The following SOX5 variants were observed in gnomAD, a reference collection of about 807,000 sequenced individuals.
SOX5 encodes transcription factor SOX-5.
In SOX5, 9 loss-of-function variants were observed where a neutral mutation model predicts 92.0. The observed-to-expected ratio is 0.10, with a 90% CI of 0.06 to 0.17. SOX5 has a LOEUF of 0.17. Among genes scored for constraint, SOX5 ranks in the 10% least tolerant of loss-of-function variants. SOX5 has a pLI of 1.00. For synonymous variants in SOX5, 344 were observed against 336.3 expected (o/e 1.02, Z -0.25); for missense variants, 642 against 944.5 (o/e 0.68, Z 4.20).
chr12:23,864,971 C>A (rs560746070), intron 2 of SOX5, among the ~76,000 whole-genome samples: 8 of 152,174 alleles, frequency 5.3e-5, no homozygotes, highest in Admixed American at 5.2e-4. Context: ...TTGGCTTCGA[C>A]GCTTCAAACA....
intron 1 of SOX5, among the ~76,000 whole-genome samples, chr12:23,938,794 T>A (rs1444866228): frequency 2.0e-5 from 3 of 151,026 alleles, no homozygotes; most frequent in African/African-American, 4.8e-5. Flanking sequence ...AAGTACACGT[T>A]ACCTGGGATC....
In SOX5 at chr12:24,153,347, G is replaced by A. The variant is rs564623772; in HGVS notation, c.-2+59996C>T. On this transcript the variant is annotated intron_variant, in intron 4 of 4. Transcript: ENST00000446891. The stretch of plus-strand genomic sequence containing the variant: ...CCTTCAGTTTGATAAAGCAAGACCA[G>A]ATTTACTGGCACACTTACAGGAGGC... Among the ~76,000 whole-genome samples, 4 of 152,244 alleles carry A rather than the reference G, an allele frequency of 2.6e-5. No individual in the cohort carries two copies. In the South Asian group the frequency reaches 6.2e-4, roughly 24 times the overall value.
At chr12:24,050,341 T>C (rs1303256369) in intron 4 of SOX5, among the ~76,000 whole-genome samples, 1 of 152,178 alleles carries the variant, frequency 6.6e-6, no homozygotes, top group Non-Finnish European at 1.5e-5. Flanking sequence ...AGACATACAT[T>C]ACTCAGAGGA....
intron 1 of SOX5, among the ~76,000 whole-genome samples, chr12:24,546,781 T>G (rs1167943123): frequency 6.6e-6 from 1 of 152,148 alleles, no homozygotes; most frequent in Non-Finnish European, 1.5e-5. Flanking sequence ...CAACTGTAAA[T>G]TCTACCAGTA....
intron 2 of SOX5, among the ~76,000 whole-genome samples, chr12:24,338,941 G>T (rs1952242053): frequency 6.6e-6 from 1 of 152,022 alleles, no homozygotes; most frequent in Admixed American, 6.6e-5. Flanking sequence ...CTTCACAGTA[G>T]TATGAAAATG....
chr12:23,830,731 T>C (rs2096303217), intron 3 of SOX5, among the ~76,000 whole-genome samples: 1 of 152,148 alleles, frequency 6.6e-6, no homozygotes, highest in Non-Finnish European at 1.5e-5. Flanking sequence ...GGAAAGCCGA[T>C]CTCCATAATT....
intron 4 of SOX5, among the ~76,000 whole-genome samples, chr12:24,063,144 C>A (rs1940055905): frequency 6.6e-6 from 1 of 152,214 alleles, no homozygotes; most frequent in African/African-American, 2.4e-5. Flanking sequence ...ACACTCACTT[C>A]TCCCACCAAT....
intron 2 of SOX5, among the ~76,000 whole-genome samples, chr12:24,303,038 G>A (rs1948161198): frequency 6.6e-6 from 1 of 152,018 alleles, no homozygotes; most frequent in Non-Finnish European, 1.5e-5. Context: ...AAAGGCCAAA[G>A]GAAAGTGAAT....
At chr12:23,563,189 T>G in intron 11 of SOX5, 69 bp downstream of exon 11, 3 of 1,230,460 alleles carry the variant, frequency 2.4e-6, no homozygotes, top group Non-Finnish European at 2.3e-6. Flanking sequence ...TGGAAATATA[T>G]TTTTTTTAAA....
At chr12:24,167,942 G>A (rs1265143394) in intron 4 of SOX5, among the ~76,000 whole-genome samples, 1 of 152,186 alleles carries the variant, frequency 6.6e-6, no homozygotes, top group Non-Finnish European at 1.5e-5. Flanking sequence ...CGTTCTCACT[G>A]CCATCTGGCC....
chr12:24,416,207 A>G (rs1345032355), intron 1 of SOX5, among the ~76,000 whole-genome samples: 1 of 152,172 alleles, frequency 6.6e-6, no homozygotes, highest in Non-Finnish European at 1.5e-5. Flanking sequence ...ACACATTTTC[A>G]TCTCAGGAGC....
At chr12:23,684,628 T>C (rs933972211) in intron 6 of SOX5, among the ~76,000 whole-genome samples, 1 of 152,010 alleles carries the variant, frequency 6.6e-6, no homozygotes, top group African/African-American at 2.4e-5. Flanking sequence ...TATAGAAAAA[T>C]GTACTTTAAA....
At chr12:24,533,417 G>A (rs557984375) in intron 1 of SOX5, among the ~76,000 whole-genome samples, 8 of 152,206 alleles carry the variant, frequency 5.3e-5, no homozygotes, top group Admixed American at 2.6e-4. Context: ...TCTTTAATTG[G>A]TAGTTAGGAA....
chr12:23,581,196 G>A (rs1438667136), intron 9 of SOX5, among the ~76,000 whole-genome samples: 1 of 151,818 alleles, frequency 6.6e-6, no homozygotes, highest in East Asian at 1.9e-4. Flanking sequence ...TCTTTGTTAA[G>A]GAGTTTTAAT....
intron 4 of SOX5, among the ~76,000 whole-genome samples, chr12:24,070,586 TA>T (rs59559511): frequency 6.7e-5 from 10 of 148,898 alleles, no homozygotes; most frequent in Admixed American, 2.7e-4. Context: ...TATTGTTTTT[TA>T]AAAAAAAAAA....
At chr12:23,632,825 A>G (rs1013493663) in intron 8 of SOX5, among the ~76,000 whole-genome samples, 34 of 152,108 alleles carry the variant, frequency 2.2e-4, no homozygotes, top group Admixed American at 1.6e-3. Flanking sequence ...CATTTTCTCT[A>G]TTCCAGAGAA....
chr12:24,130,851 C>T (rs1012115891), intron 4 of SOX5, among the ~76,000 whole-genome samples: 3 of 152,152 alleles, frequency 2.0e-5, no homozygotes, highest in African/African-American at 7.2e-5. Context: ...TCAAAGACTG[C>T]CAAATGCCTG....
intron 1 of SOX5, among the ~76,000 whole-genome samples, chr12:24,417,451 C>T (rs1200277267): frequency 1.3e-5 from 2 of 152,194 alleles, no homozygotes; most frequent in African/African-American, 4.8e-5. Flanking sequence ...TTATACTTCC[C>T]TTTCCAAGAT....
chr12:23,956,246 C>G (rs1946264255), intron 4 of SOX5, among the ~76,000 whole-genome samples: 2 of 151,430 alleles, frequency 1.3e-5, no homozygotes, highest in Non-Finnish European at 2.9e-5. Context: ...GTATCTAGCA[C>G]AGTATAGGGG....
Sources: allele counts gnomAD v4.1 joint callset (sites outside exome capture counted in the v4.1 genomes callset), GRCh38; gene constraint gnomAD v4.1.1; transcripts MANE v1.5; gene names NCBI Gene and HGNC (gene_info 2026-07-23, HGNC 2026-07-21).